Variants in TMSB15B observed in about 807,000 individuals in gnomAD.
TMSB15B encodes thymosin beta-15B.
At chrX:103,952,876 G>C (rs1556328532) in intron 1 of TMSB15B, among the ~76,000 whole-genome samples, 1 of 111,470 alleles carries the variant, frequency 9.0e-6, no homozygotes, top group African/African-American at 3.3e-5. Context: ...TTGCTCCTTC[G>C]CTGTGCTCAG....
intron 1 of TMSB15B, among the ~76,000 whole-genome samples, chrX:103,923,437 G>A (rs1268094708): frequency 9.0e-6 from 1 of 111,671 alleles, no homozygotes; most frequent in Admixed American, 9.5e-5. Context: ...CCAGTTTTCC[G>A]AGCACCATTT....
chrX:103,938,359 A>T, intron 1 of TMSB15B, among the ~76,000 whole-genome samples: 1 of 112,055 alleles, frequency 8.9e-6, no homozygotes, highest in East Asian at 2.8e-4. Context: ...CGTTGCATAT[A>T]TATTTAAGAT....
chrX:103,938,719 C>T (rs1331391086), intron 1 of TMSB15B, among the ~76,000 whole-genome samples: 3 of 111,781 alleles, frequency 2.7e-5, no homozygotes, highest in Admixed American at 9.5e-5. Context: ...GGTTATTCTG[C>T]CCATTACTTA....
intron 1 of TMSB15B, among the ~76,000 whole-genome samples, chrX:103,942,834 T>C (rs1347932986): frequency 8.9e-6 from 1 of 111,812 alleles, no homozygotes; most frequent in African/African-American, 3.2e-5. Context: ...TAAAGCAGAT[T>C]ATCATAAATG....
chrX:103,919,768 C>G (rs1556317043), intron 1 of TMSB15B, among the ~76,000 whole-genome samples: 1 of 112,646 alleles, frequency 8.9e-6, no homozygotes, highest in Non-Finnish European at 1.9e-5. Flanking sequence ...GATGAAGAAA[C>G]TGAGCCAAAG....
intron 1 of TMSB15B, among the ~76,000 whole-genome samples, chrX:103,926,807 T>G (rs1482903319): frequency 1.8e-5 from 2 of 109,876 alleles, no homozygotes; most frequent in East Asian, 2.9e-4. Flanking sequence ...CCTGTGGGTC[T>G]GCTGTTCCTG....
chrX:103,939,516 T>C (rs1332593319), intron 1 of TMSB15B, among the ~76,000 whole-genome samples: 1 of 110,808 alleles, frequency 9.0e-6, no homozygotes, highest in African/African-American at 3.3e-5. Context: ...AGGTCATTTA[T>C]GCTCTTCTCT....
intron 1 of TMSB15B, among the ~76,000 whole-genome samples, chrX:103,927,273 C>T (rs2147817275): frequency 8.9e-6 from 1 of 112,000 alleles, no homozygotes; most frequent in East Asian, 2.8e-4. Context: ...GCTACCAGCA[C>T]GCACTCAGCC....
At chrX:103,923,484 G>C (rs1185939528) in intron 1 of TMSB15B, among the ~76,000 whole-genome samples, 2 of 111,534 alleles carry the variant, frequency 1.8e-5, no homozygotes, top group Non-Finnish European at 3.8e-5. Flanking sequence ...TCTTGTTTTT[G>C]TCAGGTTTGT....
chrX:103,920,151 C>T lies in TMSB15B; in HGVS notation c.-721+859C>T, dbSNP rs183670187. Among the ~76,000 whole-genome samples, 16 of 112,040 alleles carry T rather than the reference C, an allele frequency of 1.4e-4. 1 individual carries two copies. The East Asian group carries it at 4.5e-3, about 31-fold the overall frequency. ...ACATAATTTCGACAGCCCTTTGTGA[C>T]GCCAAGGGAGGCAAGGCTCAGAGAG... On this transcript the variant is annotated intron_variant, in intron 1 of 3. Coordinates refer to the TMSB15B transcript ENST00000419165.
At chrX:103,939,525 C>T (rs781888048) in intron 1 of TMSB15B, among the ~76,000 whole-genome samples, 54 of 110,646 alleles carry the variant, frequency 4.9e-4, no homozygotes, top group Non-Finnish European at 6.2e-4. Flanking sequence ...ATGCTCTTCT[C>T]TAAAGTGGTT....
At chrX:103,925,827 G>A (rs1157090780) in intron 1 of TMSB15B, among the ~76,000 whole-genome samples, 1 of 112,212 alleles carries the variant, frequency 8.9e-6, no homozygotes, top group Non-Finnish European at 1.9e-5. Flanking sequence ...ATAAATGGCA[G>A]GGAGGAAGTG....
At chrX:103,955,822 C>A (rs1467042661) in intron 1 of TMSB15B, among the ~76,000 whole-genome samples, 1 of 111,409 alleles carries the variant, frequency 9.0e-6, no homozygotes. Flanking sequence ...ACGAGAAGTT[C>A]ATCCCTAACA....
intron 1 of TMSB15B, among the ~76,000 whole-genome samples, chrX:103,938,805 C>G (rs1177762420): frequency 8.9e-6 from 1 of 111,756 alleles, no homozygotes; most frequent in Non-Finnish European, 1.9e-5. Context: ...TTTTTTCTTT[C>G]TGTATTTAGT....
Position 103,922,085 on chromosome X carries a change from C to CT in TMSB15B, c.-721+2807dup, listed in dbSNP as rs782307917. Among the ~76,000 whole-genome samples, 391 of 102,606 alleles carry CT rather than the reference C, an allele frequency of 3.8e-3. 2 individuals are homozygous for CT. Among genetic ancestry groups the CT allele is most frequent in the East Asian group, 0.013 (44 of 3,290 alleles). 89.1% of individuals were successfully genotyped at this position (102,606 alleles called of 115,157 possible). A position where few individuals can be genotyped will look rare whatever the true frequency, so the allele number is the denominator to read the frequency against. Reference sequence around the variant, plus strand: ...ATTCCTATTATCTCTCTCTCTCTCTCTTTTTTTTTTTTTTGAGACGGAGTC... The same window carrying CT: ...ATTCCTATTATCTCTCTCTCTCTCTCTTTTTTTTTTTTTTTGAGACGGAGTC... On this transcript the variant is annotated intron_variant, in intron 1 of 3. Transcript: ENST00000419165.
At chrX:103,943,773 T>G (rs1180682213) in intron 1 of TMSB15B, among the ~76,000 whole-genome samples, 4 of 111,640 alleles carry the variant, frequency 3.6e-5, no homozygotes, top group African/African-American at 1.3e-4. Flanking sequence ...TTTTCTCCTC[T>G]TCCTGGAATT....
intron 1 of TMSB15B, among the ~76,000 whole-genome samples, chrX:103,934,202 A>G (rs1556320562): frequency 9.0e-6 from 1 of 110,909 alleles, no homozygotes; most frequent in Non-Finnish European, 1.9e-5. Flanking sequence ...CTTGAGATCA[A>G]CTTTTTTAGC....
At chrX:103,935,817 G>A (rs1375359889) in intron 1 of TMSB15B, among the ~76,000 whole-genome samples, 1 of 108,552 alleles carries the variant, frequency 9.2e-6, no homozygotes, top group African/African-American at 3.4e-5. Context: ...TGGCAATGCG[G>A]GCTCTTTTTT....
chrX:103,950,648 T>C (rs1183554822), intron 1 of TMSB15B, among the ~76,000 whole-genome samples: 11 of 110,207 alleles, frequency 1.0e-4, no homozygotes, highest in African/African-American at 3.3e-4. Context: ...ATTTACTATA[T>C]ATGCTTTTTC....
Sources: allele counts gnomAD v4.1 joint callset (sites outside exome capture counted in the v4.1 genomes callset), GRCh38; gene constraint gnomAD v4.1.1; transcripts MANE v1.5; gene names NCBI Gene and HGNC (gene_info 2026-07-23, HGNC 2026-07-21).